Variants in DUSP18 observed in about 807,000 individuals in gnomAD.
The protein encoded by DUSP18 is dual specificity protein phosphatase 18.
A neutral mutation model predicts 6.3 loss-of-function variants in DUSP18; 4 were observed. The ratio of observed to expected loss-of-function variants is 0.63; its 90% CI spans 0.31 to 1.45. DUSP18 has a LOEUF of 1.45. DUSP18 is among the 40% of genes most tolerant of loss of function. The probability of loss-of-function intolerance (pLI) is 0.07; values close to 1 mark genes in which losing one functional copy is unlikely to be tolerated. For missense variants in DUSP18, 235 were observed against 247.7 expected (o/e 0.95, Z 0.34); for synonymous variants, 96 against 95.1 (o/e 1.01, Z -0.05).
In DUSP18 at chr22:30,661,449, T is replaced by TC. The variant is rs978485848; in HGVS notation, c.*1987_*1988insG. On this transcript the variant is annotated 3_prime_UTR_variant, in exon 2 of 2. Transcript: ENST00000334679. ...TCTTTTTTTCTTTTCTTTTTCTTTT[T>TC]TTTTTTTTTTCTTTTTGAGATGGAG... 4.7e-5 allele frequency: 7 copies of TC among 150,484 alleles called. No individual in the cohort carries two copies. Among genetic ancestry groups the TC allele is most frequent in the Non-Finnish European group, 7.4e-5 (5 of 67,582 alleles). 9.3% of individuals were successfully genotyped at this position (150,484 alleles called of 1,614,324 possible).
downstream of DUSP18, among the ~76,000 whole-genome samples, chr22:30,657,297 AC>A (rs1569065160): frequency 0.026 from 3,940 of 149,518 alleles, 90 homozygotes; most frequent in East Asian, 0.056. Flanking sequence ...ACACACACAC[AC>A]ACACACACAA....
chr22:30,660,436 T>G (rs2088433735), downstream of DUSP18, among the ~76,000 whole-genome samples: 1 of 151,992 alleles, frequency 6.6e-6, no homozygotes, highest in Non-Finnish European at 1.5e-5. Flanking sequence ...CCCCAACAAA[T>G]AGCTGGGACT....
At chr22:30,665,801 G>A (rs920979198) in intron 1 of DUSP18, among the ~76,000 whole-genome samples, 1 of 152,214 alleles carries the variant, frequency 6.6e-6, no homozygotes, top group African/African-American at 2.4e-5. Context: ...CAAGCGCTGT[G>A]TCCCCACAAG....
Position 30,661,966 on chromosome 22 carries a change from G to A in DUSP18, c.*1471C>T, listed in dbSNP as rs919948525. 7 of 151,884 alleles carry A rather than the reference G, an allele frequency of 4.6e-5. No homozygotes were observed. Among genetic ancestry groups the A allele is most frequent in the Admixed American group, 1.3e-4 (2 of 15,226 alleles). The allele number at this position is 151,884 out of a possible 1,614,324, so 9.4% of individuals were successfully genotyped here. A position where few individuals can be genotyped will look rare whatever the true frequency, so the allele number is the denominator to read the frequency against. ...AGATTGCACCTAGATTAAACAAGAC[G>A]GAAGCTCTCAAAAGGCTCTAAGTCT... On this transcript the variant is annotated 3_prime_UTR_variant, in exon 2 of 2. Transcript: ENST00000334679.
chr22:30,660,386 C>A (rs2088433165), downstream of DUSP18, among the ~76,000 whole-genome samples: 1 of 152,166 alleles, frequency 6.6e-6, no homozygotes, highest in African/African-American at 2.4e-5. Context: ...TCACTGCAGC[C>A]TTGACCTCCC....
At chr22:30,652,504 T>G (rs1484652540) in intron 2 of DUSP18, among the ~76,000 whole-genome samples, 1 of 152,224 alleles carries the variant, frequency 6.6e-6, no homozygotes, top group East Asian at 1.9e-4. Flanking sequence ...AACTATAAAC[T>G]AAGTTTCTCC....
chr22:30,667,057 A>T lies in DUSP18; in HGVS notation c.-78+405T>A, dbSNP rs148177356. On this transcript the variant is annotated intron_variant, in intron 1 of 1. Transcript: ENST00000334679. Reference sequence around the variant, plus strand: ...GTTTAGCTTGAGAGGGAGGAGGAGAAAAAAATAGCAACTCGGTAGCAGTTC... The same window carrying T: ...GTTTAGCTTGAGAGGGAGGAGGAGATAAAAATAGCAACTCGGTAGCAGTTC... 37 of 152,304 alleles carry T rather than the reference A, an allele frequency of 2.4e-4. 1 individual carries two copies. Among genetic ancestry groups the T allele is most frequent in the Middle Eastern group, 3.4e-3 (1 of 294 alleles). 9.4% of individuals were successfully genotyped at this position (152,304 alleles called of 1,614,324 possible).
At chr22:30,665,592 C>A in intron 1 of DUSP18, 1 of 468,654 alleles carries the variant, frequency 2.1e-6, no homozygotes, top group South Asian at 1.6e-5. Flanking sequence ...CCTTAGATCA[C>A]ACCCCTCCCT....
At position 30,661,900 on chromosome 22, in the gene DUSP18, T is replaced by C. The variant is rs961318449; in HGVS notation, c.*1537A>G. ...GGCTGCAGTCACTGTTTAGAAGTGA[T>C]TGGGGGAAGCTGGAACTGTGCTCCT... On this transcript the variant is annotated 3_prime_UTR_variant, in exon 2 of 2. Coordinates refer to ENST00000334679, the MANE Select transcript of DUSP18 (RefSeq NM_152511.5). 30 of 152,210 alleles carry C rather than the reference T, an allele frequency of 2.0e-4. No homozygotes were observed. The highest frequency in any genetic ancestry group is 5.9e-4 in the Admixed American group (9 of 15,264). 9.4% of individuals were successfully genotyped at this position (152,210 alleles called of 1,614,324 possible).
downstream of DUSP18, among the ~76,000 whole-genome samples, chr22:30,660,077 T>G (rs1407776562): frequency 6.6e-6 from 1 of 152,220 alleles, no homozygotes; most frequent in Non-Finnish European, 1.5e-5. Context: ...TGGAAGCAGA[T>G]TCTTCCTCAG....
chr22:30,664,702 T>C (rs1454046732), intron 1 of DUSP18, among the ~76,000 whole-genome samples: 1 of 152,234 alleles, frequency 6.6e-6, no homozygotes, highest in Non-Finnish European at 1.5e-5. Flanking sequence ...AGACAGGATA[T>C]GCCCATGCGA....
In DUSP18 at chr22:30,663,210, G is replaced by A; in HGVS notation, c.*227C>T. The A allele has an allele frequency of 1.9e-6, 1 of 535,936 alleles. No homozygotes were observed. Among genetic ancestry groups the A allele is most frequent in the Non-Finnish European group, 3.3e-6 (1 of 302,804 alleles). The allele number at this position is 535,936 out of a possible 1,614,324, so 33.2% of individuals were successfully genotyped here. A position where few individuals can be genotyped will look rare whatever the true frequency, so the allele number is the denominator to read the frequency against. On this transcript the variant is annotated 3_prime_UTR_variant, in exon 2 of 2. Transcript: ENST00000334679. ...TGCCTCAACCTATCCCCTGGCCAGT[G>A]TCACTCACAGGGCAGAAAATTTATC...
At chr22:30,659,498 C>G (rs377044116), downstream of DUSP18, among the ~76,000 whole-genome samples, 4 of 152,018 alleles carry the variant, frequency 2.6e-5, no homozygotes, top group African/African-American at 9.7e-5. Flanking sequence ...CTCAGCCTCC[C>G]GGGTAGCTGT....
chr22:30,653,729 GA>G (rs1241121409), intron 2 of DUSP18: 2 of 152,084 alleles, frequency 1.3e-5, no homozygotes, highest in African/African-American at 4.8e-5. Context: ...CCTAGGCTGG[GA>G]ATTTCTGTTT....
At chr22:30,652,836 C>G (rs989318736) in intron 2 of DUSP18, among the ~76,000 whole-genome samples, 3 of 152,210 alleles carry the variant, frequency 2.0e-5, no homozygotes, top group African/African-American at 7.2e-5. Context: ...TGTCATTTCT[C>G]CAGTATCTTA....
intron 2 of DUSP18, among the ~76,000 whole-genome samples, chr22:30,655,074 C>T (rs775163714): frequency 6.6e-6 from 1 of 152,080 alleles, no homozygotes; most frequent in Non-Finnish European, 1.5e-5. Context: ...ATTCTCTGCT[C>T]CCTACACTGC....
intron 2 of DUSP18, among the ~76,000 whole-genome samples, chr22:30,655,629 C>G (rs1192650858): frequency 3.3e-5 from 5 of 151,948 alleles, no homozygotes. Flanking sequence ...CTAGAAGGAG[C>G]CTCAAGGAAT....
intron 1 of DUSP18, among the ~76,000 whole-genome samples, chr22:30,666,143 T>C (rs2088648792): frequency 6.6e-6 from 1 of 152,200 alleles, no homozygotes; most frequent in African/African-American, 2.4e-5. Flanking sequence ...TAAGGAATGT[T>C]CTGGATCCTC....
chr22:30,653,977 G>GTTT (rs1316985664), intron 2 of DUSP18: 23 of 149,812 alleles, frequency 1.5e-4, no homozygotes, highest in Non-Finnish European at 1.8e-4. Flanking sequence ...TAGCTGTTTT[G>GTTT]TTTTTTTGTT....
Sources: allele counts gnomAD v4.1 joint callset (sites outside exome capture counted in the v4.1 genomes callset), GRCh38; gene constraint gnomAD v4.1.1; transcripts MANE v1.5; gene names NCBI Gene and HGNC (gene_info 2026-07-23, HGNC 2026-07-21).